CHRNA7: variants seen among roughly 807,000 people sequenced by gnomAD.
CHRNA7 encodes the protein neuronal acetylcholine receptor subunit alpha-7.
In CHRNA7, 17 loss-of-function variants were observed where a neutral mutation model predicts 48.0. The ratio of observed to expected loss-of-function variants is 0.35; its 90% CI spans 0.24 to 0.53. The LOEUF (loss-of-function observed/expected upper bound fraction) is 0.53, where lower values mean the gene tolerates loss of function less well. Ranked by LOEUF, CHRNA7 falls within the 20% of genes least tolerant of loss-of-function variation. CHRNA7 has a pLI of 0.92. For synonymous variants in CHRNA7, 75 were observed against 242.3 expected (o/e 0.31, Z 6.41); for missense variants, 155 against 577.7 (o/e 0.27, Z 7.50).
At chr15:32,066,094 G>A (rs1012076582) in intron 2 of CHRNA7, among the ~76,000 whole-genome samples, 3 of 152,248 alleles carry the variant, frequency 2.0e-5, no homozygotes, top group Non-Finnish European at 2.9e-5. Flanking sequence ...TGGATGCCAA[G>A]CATTGAAGGA....
At position 32,111,729 on chromosome 15, in the gene CHRNA7, C is replaced by T. The variant is rs1050477531; in HGVS notation, c.241-61C>T. The T allele has an allele frequency of 1.4e-5, 14 of 973,090 alleles. No individual in the cohort carries two copies. In the South Asian group the frequency reaches 1.9e-4, roughly 13 times the overall value. The allele number at this position is 973,090 out of a possible 1,614,324, so 60.3% of individuals were successfully genotyped here. On this transcript the variant is annotated intron_variant, in intron 3 of 9. Transcript: ENST00000306901. ...TGGTTTTGCACTTACCTAATAATCGCTTATGAGAAATATTAGTAGCCAAGG... is the reference window on the plus strand; with the variant it reads ...TGGTTTTGCACTTACCTAATAATCGTTTATGAGAAATATTAGTAGCCAAGG...
chr15:32,056,367 T>C (rs564667233), intron 2 of CHRNA7, among the ~76,000 whole-genome samples: 1 of 152,318 alleles, frequency 6.6e-6, no homozygotes, highest in East Asian at 1.9e-4. Flanking sequence ...ATAAAGTGTA[T>C]CACTTTTAAG....
At chr15:32,066,256 A>T (rs956880165) in intron 2 of CHRNA7, among the ~76,000 whole-genome samples, 1 of 152,002 alleles carries the variant, frequency 6.6e-6, no homozygotes, top group African/African-American at 2.4e-5. Flanking sequence ...GTTGGAGGAT[A>T]TACTTTCCAG....
intron 2 of CHRNA7, among the ~76,000 whole-genome samples, chr15:32,054,498 G>A (rs973430623): frequency 2.6e-5 from 4 of 152,106 alleles, no homozygotes; most frequent in Admixed American, 1.3e-4. Flanking sequence ...AATGTGGCAC[G>A]ATATCAAAAC....
intron 2 of CHRNA7, among the ~76,000 whole-genome samples, chr15:32,076,944 C>T (rs1310774051): frequency 6.6e-6 from 1 of 152,134 alleles, no homozygotes; most frequent in African/African-American, 2.4e-5. Context: ...TCCCTTGCTC[C>T]ACCCAACTCT....
At chr15:32,128,652 T>A (rs181219426) in intron 4 of CHRNA7, among the ~76,000 whole-genome samples, 406 of 151,930 alleles carry the variant, frequency 2.7e-3, no homozygotes, top group African/African-American at 9.1e-3. Context: ...GTTTTTTTTT[T>A]AATTGTTTTT....
rs937902016 is a variant in CHRNA7, at chr15:32,149,608, C to A, written c.351-4299C>A. ...ACTATGTACTTATAAAATCAATTTGCCTATGGGAAAGAAGCGTAAAACTAC... is the reference window on the plus strand; with the variant it reads ...ACTATGTACTTATAAAATCAATTTGACTATGGGAAAGAAGCGTAAAACTAC... On this transcript the variant is annotated intron_variant, in intron 4 of 9. Transcript: ENST00000306901. This position sits in a 1 kb window ranked among gnomAD's most constrained non-coding sequence, Gnocchi z 4.6. Among the ~76,000 whole-genome samples the A allele has an allele frequency of 6.6e-6, 1 of 152,090 alleles. No homozygotes were observed. The highest frequency in any genetic ancestry group is 2.1e-4 in the South Asian group (1 of 4,828).
intron 3 of CHRNA7, 185 bp from the exon 4 acceptor site, chr15:32,111,605 A>G (rs2141279398): frequency 1.8e-6 from 1 of 548,468 alleles, no homozygotes; most frequent in East Asian, 2.9e-5. Context: ...TGTGAGTTTT[A>G]TGCTCTTCAC....
chr15:32,110,334 G>T (rs2050742713), intron 3 of CHRNA7, among the ~76,000 whole-genome samples: 2 of 152,290 alleles, frequency 1.3e-5, no homozygotes, highest in Middle Eastern at 3.4e-3. Flanking sequence ...CCATTCCTGG[G>T]TGTGCCCCTC....
At position 32,076,351 on chromosome 15, in the gene CHRNA7, A is replaced by G. The variant is rs573583409; in HGVS notation, c.196-24952A>G. 2.0e-5 allele frequency among the ~76,000 whole-genome samples: 3 copies of G among 152,308 alleles called. No homozygotes were observed. The East Asian group carries it at 5.8e-4, about 29-fold the overall frequency. ...TCTATGTGTTTTGAAGTTTGATGAC[A>G]CACAATTAAGATTGCTGTGTTTTCT... On this transcript the variant is annotated intron_variant, in intron 2 of 9. Coordinates refer to ENST00000306901, the MANE Select transcript of CHRNA7 (RefSeq NM_000746.6).
intron 2 of CHRNA7, among the ~76,000 whole-genome samples, chr15:32,086,319 A>G (rs1369855086): frequency 7.0e-6 from 1 of 142,430 alleles, no homozygotes; most frequent in African/African-American, 2.6e-5. Flanking sequence ...CAGTGAGCCA[A>G]GATTGCACCA....
At chr15:32,138,330 G>GA (rs1292789338) in intron 4 of CHRNA7, among the ~76,000 whole-genome samples, 7 of 152,022 alleles carry the variant, frequency 4.6e-5, no homozygotes, top group Admixed American at 4.6e-4. Flanking sequence ...ATATTTTCTA[G>GA]AAAAATAGAC....
chr15:32,133,499 G>C (rs74011119), intron 4 of CHRNA7, among the ~76,000 whole-genome samples: 1 of 152,168 alleles, frequency 6.6e-6, no homozygotes, highest in African/African-American at 2.4e-5. Context: ...AGTAAAACTC[G>C]TGCTTCTGCC....
chr15:32,050,541 A>C (rs1324494681), intron 2 of CHRNA7, among the ~76,000 whole-genome samples: 1 of 152,120 alleles, frequency 6.6e-6, no homozygotes, highest in Non-Finnish European at 1.5e-5. Context: ...CTAGTTATAC[A>C]TTCGTCTAAA....
At chr15:32,104,859 A>G (rs1384263219) in intron 3 of CHRNA7, among the ~76,000 whole-genome samples, 1 of 152,194 alleles carries the variant, frequency 6.6e-6, no homozygotes, top group Non-Finnish European at 1.5e-5. Flanking sequence ...TCTAAGGAAC[A>G]ACGCTGCTGT....
rs569612372 is a variant in CHRNA7 at position 32,099,367 on chromosome 15, G to C, written c.196-1936G>C. The stretch of plus-strand genomic sequence containing the variant: ...TCCTCTCTCCCTCTTGAGTCTTTGT[G>C]GGGGGTTCCCCTAACGGGTATCCCT... On this transcript the variant is annotated intron_variant, in intron 2 of 9. Coordinates refer to ENST00000306901, the MANE Select transcript of CHRNA7 (RefSeq NM_000746.6). The C allele has an allele frequency of 2.0e-5, 3 of 152,288 alleles. No homozygotes were observed. The East Asian group carries it at 5.8e-4, about 29-fold the overall frequency. 9.4% of individuals were successfully genotyped at this position (152,288 alleles called of 1,614,324 possible). A position where few individuals can be genotyped will look rare whatever the true frequency, so the allele number is the denominator to read the frequency against.
In CHRNA7 at chr15:32,050,212, G is replaced by A. The variant is rs555732132; in HGVS notation, c.195+19175G>A. 7.9e-5 allele frequency among the ~76,000 whole-genome samples: 12 copies of A among 152,310 alleles called. 1 individual carries two copies. The South Asian group carries it at 2.1e-3, about 26-fold the overall frequency. The stretch of plus-strand genomic sequence containing the variant: ...TGGCCTGCCTTGCTAGATTGGGGAA[G>A]TTCTCATGGATGATATCCTGCAGAG... On this transcript the variant is annotated intron_variant, in intron 2 of 9. Transcript: ENST00000306901.
chr15:32,051,765 C>T (rs1039586020), intron 2 of CHRNA7, among the ~76,000 whole-genome samples: 2 of 152,130 alleles, frequency 1.3e-5, no homozygotes, highest in African/African-American at 2.4e-5. Flanking sequence ...AGCTGTAGAC[C>T]GGAGCTGTTC....
At chr15:32,156,204 T>C (rs2051735667) in intron 5 of CHRNA7, 2 of 136,676 alleles carry the variant, frequency 1.5e-5, no homozygotes, top group Admixed American at 7.3e-5. Context: ...CTCGGGCCAT[T>C]ATTTCGTAGA....
Sources: gnomAD v4.1 joint callset for allele counts (sites outside exome capture counted in the v4.1 genomes callset) on GRCh38, gnomAD v4.1.1 for gene constraint, Gnocchi (gnomAD v3.1) non-coding constraint, MANE v1.5 for transcripts, NCBI Gene and HGNC (gene_info 2026-07-23, HGNC 2026-07-21) for gene names.